The following RLN2 variants were observed in gnomAD, a reference collection of about 807,000 sequenced individuals.
RLN2 encodes the protein relaxin 2.
A neutral mutation model predicts 7.3 loss-of-function variants in RLN2; 10 were observed. The ratio of observed to expected loss-of-function variants is 1.36; its 90% CI spans 0.84 to 2.31. The LOEUF is 2.31. RLN2 is among the 30% of genes most tolerant of loss of function. The probability of loss-of-function intolerance (pLI) is 0.00; values close to 1 mark genes in which losing one functional copy is unlikely to be tolerated. For synonymous variants in RLN2, 103 were observed against 82.3 expected (o/e 1.25, Z -1.36); for missense variants, 298 against 217.6 (o/e 1.37, Z -2.32).
the RLN2 span, among the ~76,000 whole-genome samples, chr9:5,327,022 G>A: frequency 1.3e-5 from 2 of 152,024 alleles, no homozygotes; most frequent in South Asian, 2.1e-4. Context: ...TGAGGTGCCT[G>A]GTTCATTTCA....
chr9:5,328,204 G>A, the RLN2 span, among the ~76,000 whole-genome samples: 5 of 152,012 alleles, frequency 3.3e-5, no homozygotes, highest in Non-Finnish European at 7.4e-5. Flanking sequence ...AAACAGTGTA[G>A]AGAAGATCTT....
the RLN2 span, among the ~76,000 whole-genome samples, chr9:5,313,613 C>T: frequency 6.6e-6 from 1 of 151,946 alleles, no homozygotes; most frequent in Non-Finnish European, 1.5e-5. Flanking sequence ...CAATTTGATA[C>T]ATGCATACAT....
At position 5,300,170 on chromosome 9, in the gene RLN2, T is replaced by C. The variant is rs768808759; in HGVS notation, c.486A>G (p.Gln162=). ...GLDTHSRKKR[Q]LYSALANKCC... ...ATTTATTAGCCAATGCACTGTAGAG[T>C]TGTCTCTTTTTTCGAGAATGAGTAT... Residue 162 remains glutamine, a synonymous_variant, in exon 2 of 2, where the codon CAA becomes CAG. Coordinates refer to ENST00000381627, the MANE Select transcript of RLN2 (RefSeq NM_134441.3). The C allele has an allele frequency of 1.9e-6, 3 of 1,613,448 alleles. No homozygotes were observed. Among genetic ancestry groups the C allele is most frequent in the South Asian group, 1.1e-5 (1 of 90,942 alleles).
chr9:5,331,996 T>C, the RLN2 span, among the ~76,000 whole-genome samples: 1 of 151,996 alleles, frequency 6.6e-6, no homozygotes, highest in Admixed American at 6.6e-5. Context: ...AGGGTGTCCA[T>C]TGTAGTATTA....
the RLN2 span, among the ~76,000 whole-genome samples, chr9:5,314,502 A>T: frequency 6.6e-6 from 1 of 152,000 alleles, no homozygotes; most frequent in Non-Finnish European, 1.5e-5. Flanking sequence ...AATCAGTGTC[A>T]TGGCCAAACC....
chr9:5,320,354 A>T, the RLN2 span, among the ~76,000 whole-genome samples: 3 of 151,848 alleles, frequency 2.0e-5, no homozygotes, highest in Admixed American at 2.0e-4. Context: ...GACACTAACA[A>T]GGACACAACA....
chr9:5,329,647 T>G, the RLN2 span, among the ~76,000 whole-genome samples: 1 of 148,548 alleles, frequency 6.7e-6, no homozygotes, highest in Non-Finnish European at 1.5e-5. Context: ...TCAACAAAGA[T>G]CAAAAGAGAC....
the RLN2 span, among the ~76,000 whole-genome samples, chr9:5,322,074 C>G: frequency 2.5e-4 from 38 of 152,126 alleles, no homozygotes; most frequent in African/African-American, 8.0e-4. Context: ...TGGATGGGTA[C>G]AGCAAAGCCT....
At chr9:5,333,868 C>T in the RLN2 span, among the ~76,000 whole-genome samples, 2 of 151,996 alleles carry the variant, frequency 1.3e-5, no homozygotes, top group Non-Finnish European at 2.9e-5. Flanking sequence ...GTACAACATA[C>T]ACAAATCAAT....
chr9:5,304,357 CGGG>C lies in RLN2; in HGVS notation c.211+10_211+12del, dbSNP rs1816192787. 7.7e-6 allele frequency: 12 copies of C among 1,559,172 alleles called. No individual in the cohort carries two copies. Among genetic ancestry groups the C allele is most frequent in the Non-Finnish European group, 1.0e-5 (12 of 1,147,936 alleles). ...GAAGCGCGGGAAGGCCGGGAGGGGG[CGGG>C]AGCTCTCACCTGCCACTGGTCTAGG... On this transcript the variant is annotated intron_variant, in intron 1 of 1. Transcript: ENST00000381627.
the RLN2 span, among the ~76,000 whole-genome samples, chr9:5,321,826 A>C: frequency 3.9e-5 from 6 of 152,046 alleles, no homozygotes; most frequent in African/African-American, 1.5e-4. Context: ...ACAGAGCATA[A>C]AGATACAGGG....
the RLN2 span, among the ~76,000 whole-genome samples, chr9:5,324,184 G>A: frequency 4.6e-5 from 7 of 152,002 alleles, 1 homozygote; most frequent in African/African-American, 1.7e-4. Flanking sequence ...TTAAAGTGCA[G>A]GGTCTACAGC....
At chr9:5,325,788 G>T in the RLN2 span, among the ~76,000 whole-genome samples, 235 of 152,132 alleles carry the variant, frequency 1.5e-3, 6 homozygotes, top group African/African-American at 5.3e-3. Context: ...TGAAGACAAG[G>T]GTTGTAGTTC....
intron 1 of RLN2, among the ~76,000 whole-genome samples, chr9:5,300,712 T>C (rs1187028470): frequency 4.6e-5 from 7 of 152,232 alleles, no homozygotes; most frequent in Non-Finnish European, 4.4e-5. Context: ...TTTATCATAG[T>C]ACTTTTGACT....
the RLN2 span, among the ~76,000 whole-genome samples, chr9:5,332,720 A>G: frequency 6.6e-6 from 1 of 151,406 alleles, no homozygotes; most frequent in Non-Finnish European, 1.5e-5. Context: ...GGTTCAAGCG[A>G]TTCTCCTGCC....
chr9:5,313,932 C>T, the RLN2 span, among the ~76,000 whole-genome samples: 2 of 152,042 alleles, frequency 1.3e-5, no homozygotes, highest in Admixed American at 1.3e-4. Flanking sequence ...ACCACCCTAT[C>T]CCTACATCAG....
chr9:5,320,667 A>G, the RLN2 span, among the ~76,000 whole-genome samples: 9 of 152,102 alleles, frequency 5.9e-5, no homozygotes, highest in Admixed American at 3.9e-4. Flanking sequence ...CACCATGCCC[A>G]GCCACACAAA....
chr9:5,308,180 A>G (rs565501904), upstream of RLN2, among the ~76,000 whole-genome samples: 7 of 152,118 alleles, frequency 4.6e-5, no homozygotes, highest in South Asian at 1.5e-3. Flanking sequence ...TCAGGTTATC[A>G]TGCTGCTTTA....
chr9:5,333,378 G>A, the RLN2 span, among the ~76,000 whole-genome samples: 1 of 151,990 alleles, frequency 6.6e-6, no homozygotes, highest in Non-Finnish European at 1.5e-5. Flanking sequence ...ACAACCATCA[G>A]AGAACACTAC....
Sources: allele counts gnomAD v4.1 joint callset (sites outside exome capture counted in the v4.1 genomes callset), GRCh38; gene constraint gnomAD v4.1.1; transcripts MANE v1.5; gene names NCBI Gene and HGNC (gene_info 2026-07-23, HGNC 2026-07-21).